Variants in CD86 observed in about 807,000 individuals in gnomAD.
The protein encoded by CD86 is CD86 molecule.
Under a neutral mutation model 32.1 loss-of-function variants are expected in CD86, and 11 were observed. The observed-to-expected ratio is 0.34, with a 90% CI of 0.22 to 0.57. The LOEUF (loss-of-function observed/expected upper bound fraction) is 0.57, where lower values mean the gene tolerates loss of function less well. CD86 is among the 20% of genes least tolerant of loss of function. The pLI is 0.86. For missense variants in CD86, 359 were observed against 398.4 expected (o/e 0.90, Z 0.84); for synonymous variants, 137 against 135.3 (o/e 1.01, Z -0.09).
intron 1 of CD86, among the ~76,000 whole-genome samples, chr3:122,062,059 A>C (rs149109979): frequency 1.6e-3 from 248 of 152,158 alleles, no homozygotes; most frequent in African/African-American, 5.3e-3. Context: ...TTGAATCAAT[A>C]ATTATTTAAA....
At chr3:122,069,201 C>T (rs2715268) in intron 1 of CD86, among the ~76,000 whole-genome samples, 16,158 of 151,950 alleles carry the variant, frequency 0.11, 940 homozygotes, top group Non-Finnish European at 0.14. Context: ...CACTTCTTAG[C>T]TCACCTTGGA....
In CD86 at chr3:122,108,837, A is replaced by C. The variant is rs150718435; in HGVS notation, c.704-428A>C. On this transcript the variant is annotated intron_variant, in intron 4 of 6. Coordinates refer to ENST00000330540, the MANE Select transcript of CD86 (RefSeq NM_175862.5). Reference sequence around the variant, plus strand: ...TCCAAGTGAGAGGTGTCTGGAGATTATAGTGGACAGAAGAATCATCACGAG... The same window carrying C: ...TCCAAGTGAGAGGTGTCTGGAGATTCTAGTGGACAGAAGAATCATCACGAG... 1.5e-3 allele frequency among the ~76,000 whole-genome samples: 224 copies of C among 152,320 alleles called. 1 individual carries two copies. Among genetic ancestry groups the C allele is most frequent in the African/African-American group, 5.1e-3 (213 of 41,570 alleles).
intron 2 of CD86, among the ~76,000 whole-genome samples, chr3:122,102,138 C>A (rs1198719139): frequency 6.6e-6 from 1 of 152,062 alleles, no homozygotes; most frequent in Non-Finnish European, 1.5e-5. Flanking sequence ...TGTTATCTGT[C>A]CTTCTATTCC....
intron 1 of CD86, among the ~76,000 whole-genome samples, chr3:122,069,408 G>A (rs2072458273): frequency 6.6e-6 from 1 of 152,188 alleles, no homozygotes. Flanking sequence ...GCATGAAAAT[G>A]TGCATATTTG....
intron 2 of CD86, among the ~76,000 whole-genome samples, chr3:122,101,507 A>ATATATATATATATATAT (rs1166770159): frequency 1.3e-5 from 1 of 79,788 alleles, no homozygotes; most frequent in African/African-American, 5.3e-5. Context: ...AAAAAAAAAA[A>ATATATATATATATATAT]AAAAAAATAT....
In CD86 at chr3:122,118,113, C is replaced by T; in HGVS notation, c.893+20C>T. The T allele has an allele frequency of 6.9e-7, 1 of 1,458,154 alleles. No homozygotes were observed. The highest frequency in any genetic ancestry group is 9.0e-7 in the Non-Finnish European group (1 of 1,106,740). The allele number at this position is 1,458,154 out of a possible 1,614,324, so 90.3% of individuals were successfully genotyped here. The stretch of plus-strand genomic sequence containing the variant: ...GAAAAGGTAAATCCTGACCCTGAGA[C>T]ATTGATGAGAGAGAGGTATAATCCC... On this transcript the variant is annotated intron_variant, in intron 6 of 6. Coordinates refer to ENST00000330540, the MANE Select transcript of CD86 (RefSeq NM_175862.5).
intron 1 of CD86, among the ~76,000 whole-genome samples, chr3:122,068,337 C>G (rs981892680): frequency 3.3e-5 from 5 of 152,036 alleles, no homozygotes; most frequent in African/African-American, 1.2e-4. Flanking sequence ...TATATCCCTT[C>G]CCCTGCACAC....
intron 1 of CD86, among the ~76,000 whole-genome samples, chr3:122,087,428 G>C (rs1230745723): frequency 1.3e-5 from 2 of 152,174 alleles, no homozygotes; most frequent in Non-Finnish European, 2.9e-5. Flanking sequence ...TCCTGAGGGA[G>C]TGGGGACATT....
intron 1 of CD86, among the ~76,000 whole-genome samples, chr3:122,086,800 C>G (rs796422103): frequency 3.9e-5 from 6 of 152,344 alleles, no homozygotes; most frequent in African/African-American, 1.4e-4. Context: ...ACCATCACAC[C>G]TGGCCCTAGG....
At chr3:122,088,662 A>T (rs1363805216) in intron 1 of CD86, among the ~76,000 whole-genome samples, 2 of 152,234 alleles carry the variant, frequency 1.3e-5, no homozygotes, top group African/African-American at 4.8e-5. Context: ...TTATCACAGA[A>T]TATGAGAATT....
intron 1 of CD86, among the ~76,000 whole-genome samples, chr3:122,070,307 T>A (rs2072472081): frequency 6.6e-6 from 1 of 152,034 alleles, no homozygotes; most frequent in Non-Finnish European, 1.5e-5. Context: ...GAATGGTAGG[T>A]GTGAATTTGC....
intron 3 of CD86, among the ~76,000 whole-genome samples, chr3:122,104,193 G>T (rs2073055512): frequency 6.6e-6 from 1 of 152,032 alleles, no homozygotes; most frequent in African/African-American, 2.4e-5. Context: ...AACCATAAAG[G>T]CCTCAGATGT....
intron 1 of CD86, among the ~76,000 whole-genome samples, chr3:122,061,206 A>G (rs1196964446): frequency 6.6e-6 from 1 of 152,236 alleles, no homozygotes; most frequent in Non-Finnish European, 1.5e-5. Flanking sequence ...ACCTAGATTA[A>G]TCAAGGCCAA....
rs113010604 is a variant in CD86 at position 122,109,464 on chromosome 3, G to A, written c.847+56G>A. On this transcript the variant is annotated intron_variant, in intron 5 of 6. Transcript: ENST00000330540. Reference sequence around the variant, plus strand: ...GTCACTTTGCACCTACTTCCCAATCGGCTGGCTGCCTTCCGGAGCTTGTTG... The same window carrying A: ...GTCACTTTGCACCTACTTCCCAATCAGCTGGCTGCCTTCCGGAGCTTGTTG... 535 of 1,597,834 alleles carry A rather than the reference G, an allele frequency of 3.3e-4. 1 individual carries two copies. The African/African-American group carries it at 5.2e-3, about 15-fold the overall frequency.
intron 1 of CD86, among the ~76,000 whole-genome samples, chr3:122,073,728 G>GCTGCA (rs1042635471): frequency 6.7e-6 from 1 of 148,998 alleles, no homozygotes; most frequent in Non-Finnish European, 1.5e-5. Context: ...CCAGTCCTGA[G>GCTGCA]CTGCATCACT....
intron 1 of CD86, 114 bp from the exon 2 acceptor site, chr3:122,091,487 A>T: frequency 1.2e-6 from 1 of 800,420 alleles, no homozygotes; most frequent in South Asian, 1.5e-5. Context: ...TTGTCTCTGC[A>T]CACCCGAGAA....
At chr3:122,064,459 T>C (rs190065479) in intron 1 of CD86, among the ~76,000 whole-genome samples, 6 of 152,186 alleles carry the variant, frequency 3.9e-5, no homozygotes, top group Admixed American at 2.6e-4. Context: ...ATGGCCAACA[T>C]AGATCCTCAG....
intron 5 of CD86, among the ~76,000 whole-genome samples, chr3:122,116,972 C>T (rs1290177870): frequency 3.3e-5 from 5 of 152,100 alleles, no homozygotes; most frequent in Admixed American, 1.3e-4. Flanking sequence ...TATATATATT[C>T]GTTAAAATCA....
chr3:122,080,399 TAC>T (rs1007437507), intron 1 of CD86, among the ~76,000 whole-genome samples: 3 of 152,234 alleles, frequency 2.0e-5, no homozygotes, highest in Admixed American at 1.3e-4. Flanking sequence ...GCGTGTCTTG[TAC>T]ACAGATTTGC....
Sources: allele counts gnomAD v4.1 joint callset (sites outside exome capture counted in the v4.1 genomes callset), GRCh38; gene constraint gnomAD v4.1.1; transcripts MANE v1.5; gene names NCBI Gene and HGNC (gene_info 2026-07-23, HGNC 2026-07-21).